MYH15: variants seen among roughly 807,000 people sequenced by gnomAD.
MYH15 encodes myosin-15.
In MYH15, 227 loss-of-function variants were observed where a neutral mutation model predicts 240.5. The ratio of observed to expected loss-of-function variants is 0.94; its 90% CI spans 0.85 to 1.05. MYH15 has a LOEUF of 1.05. MYH15 is among the 50% of genes least tolerant of loss of function. MYH15 has a pLI of 0.00. For missense variants in MYH15, 2,217 were observed against 2,247.5 expected (o/e 0.99, Z 0.27); for synonymous variants, 785 against 796.7 (o/e 0.99, Z 0.25).
At chr3:108,392,618 AGT>A (rs1315378945) in intron 36 of MYH15, among the ~76,000 whole-genome samples, 1 of 152,196 alleles carries the variant, frequency 6.6e-6, no homozygotes, top group Non-Finnish European at 1.5e-5. Flanking sequence ...GCAGAATTTA[AGT>A]GTGAGACTTC....
chr3:108,492,523 A>G lies in MYH15; in HGVS notation c.848T>C (p.Leu283Pro), dbSNP rs2083358401. The change falls in exon 9 of 41, where the codon CTA (leucine) becomes CCA (proline). Residue 283 changes from leucine (L) to proline (P), a missense_variant. Coordinates refer to ENST00000693548, the MANE Select transcript of MYH15 (RefSeq NM_014981.3). ...ERNYHIFYQI[L>P]SGQKELHDLL... ...ACCATGAAGCTCTTTTTGTCCAGAT[A>G]GAATTTGATAGAATATGTGGTAGTT... is the stretch of plus-strand genomic sequence containing the variant. 6.2e-7 allele frequency: 1 copy of G among 1,612,896 alleles called. No homozygotes were observed.
chr3:108,495,631 A>AT (rs1169691809), intron 7 of MYH15, 149 bp downstream of exon 7: 29 of 489,324 alleles, frequency 5.9e-5, no homozygotes, highest in Middle Eastern at 5.4e-4. Flanking sequence ...ATAGATAGTA[A>AT]TTTTTTTTGA....
At position 108,399,229 on chromosome 3, in the gene MYH15, C is replaced by T. The variant is rs1286524347; in HGVS notation, c.4775G>A (p.Ser1592Asn). The change falls in exon 34 of 41, where the codon AGT becomes AAT. Residue 1592 changes from serine (S) to asparagine (N), a missense_variant. Coordinates refer to ENST00000693548, the MANE Select transcript of MYH15 (RefSeq NM_014981.3). ...QQCTIDSLQSSLDSEAKSRIE... is the reference protein window; with the variant it reads ...QQCTIDSLQSNLDSEAKSRIE... ...TCTGCTCTTAGCTTCAGAATCCAGACTAGACTGCAGGGAGTCAATGGTACA... is the reference window on the plus strand; with the variant it reads ...TCTGCTCTTAGCTTCAGAATCCAGATTAGACTGCAGGGAGTCAATGGTACA... The T allele has an allele frequency of 1.9e-5, 31 of 1,614,014 alleles. No homozygotes were observed. Among genetic ancestry groups the T allele is most frequent in the Non-Finnish European group, 2.5e-5 (29 of 1,180,000 alleles).
intron 30 of MYH15, among the ~76,000 whole-genome samples, chr3:108,412,445 C>G (rs1454021326): frequency 6.6e-6 from 1 of 152,170 alleles, no homozygotes; most frequent in African/African-American, 2.4e-5. Flanking sequence ...AATTAAATCT[C>G]TTTCCATTAT....
intron 12 of MYH15, 96 bp from the exon 13 acceptor site, chr3:108,470,943 G>A: frequency 7.9e-7 from 1 of 1,269,842 alleles, no homozygotes; most frequent in Non-Finnish European, 1.1e-6. Flanking sequence ...GTCAAATTAG[G>A]ATGTCTTTAT....
chr3:108,414,498 A>AT (rs919459879), intron 29 of MYH15, 70 bp from the exon 30 acceptor site: 6,255 of 1,254,600 alleles, frequency 5.0e-3, no homozygotes, highest in South Asian at 6.4e-3. Flanking sequence ...AAGTAAGCTA[A>AT]TTTTTTTTTT....
At chr3:108,526,986 C>T (rs2083677484) in intron 1 of MYH15, among the ~76,000 whole-genome samples, 1 of 152,170 alleles carries the variant, frequency 6.6e-6, no homozygotes, top group African/African-American at 2.4e-5. Context: ...AATATTCTTA[C>T]TTCTAGTTGT....
intron 28 of MYH15, among the ~76,000 whole-genome samples, chr3:108,417,785 G>GTATATA (rs368551528): frequency 2.8e-5 from 4 of 145,186 alleles, no homozygotes; most frequent in African/African-American, 1.0e-4. Context: ...GTACAGGTAT[G>GTATATA]TATATATATA....
intron 2 of MYH15, among the ~76,000 whole-genome samples, chr3:108,504,694 T>C (rs776228355): frequency 5.3e-5 from 8 of 152,114 alleles, no homozygotes; most frequent in Non-Finnish European, 1.2e-4. Context: ...AGGACAGAAA[T>C]GGGGCCCGGC....
At chr3:108,457,904 C>G (rs1390968633) in intron 18 of MYH15, among the ~76,000 whole-genome samples, 2 of 152,054 alleles carry the variant, frequency 1.3e-5, no homozygotes, top group Non-Finnish European at 2.9e-5. Context: ...CGTGGTGGTA[C>G]ATGCCTGTAG....
chr3:108,425,149 A>G (rs1182667361), intron 27 of MYH15, among the ~76,000 whole-genome samples: 1 of 152,236 alleles, frequency 6.6e-6, no homozygotes, highest in Non-Finnish European at 1.5e-5. Context: ...TGAGCATTCC[A>G]AAGAGAATAA....
In MYH15 at chr3:108,388,916, T is replaced by C. The variant is rs536306120; in HGVS notation, c.5535+54A>G. On this transcript the variant is annotated intron_variant, in intron 38 of 40. Transcript: ENST00000693548. ...GGCCATTTCAGGCTTGAAGGAGTAC[T>C]TTTCTGCAGGGTAGTGCCCAGCCAG... The C allele has an allele frequency of 2.8e-3, 4,243 of 1,524,216 alleles. 77 individuals carry two copies. In the South Asian group the frequency reaches 0.028, roughly 10 times the overall value. The allele number at this position is 1,524,216 out of a possible 1,614,324, so 94.4% of individuals were successfully genotyped here. A position where few individuals can be genotyped will look rare whatever the true frequency, so the allele number is the denominator to read the frequency against.
Position 108,405,440 on chromosome 3 carries a change from C to G in MYH15, c.4634G>C (p.Arg1545Pro). ...TLEETEGALERNESKILHFQL... is the reference protein window; with the variant it reads ...TLEETEGALEPNESKILHFQL... The stretch of plus-strand genomic sequence containing the variant: ...GAAATGAAGAATCTTGCTTTCATTA[C>G]GTTCCAGGGCTCCCTGGAATACATA... The change falls in exon 33 of 41, where the codon CGT (arginine) becomes CCT (proline). Residue 1545 changes from arginine to proline, a missense_variant. Coordinates refer to ENST00000693548, the MANE Select transcript of MYH15 (RefSeq NM_014981.3). 2.0e-6 allele frequency: 3 copies of G among 1,513,038 alleles called. No individual in the cohort carries two copies. Among genetic ancestry groups the G allele is most frequent in the East Asian group, 4.6e-5 (2 of 43,502 alleles). 93.7% of individuals were successfully genotyped at this position (1,513,038 alleles called of 1,614,324 possible).
chr3:108,432,828 G>A (rs142657008), intron 25 of MYH15, among the ~76,000 whole-genome samples: 3,108 of 152,270 alleles, frequency 0.02, 51 homozygotes, highest in South Asian at 0.059. Flanking sequence ...AATTTCAGAT[G>A]TATGGAAATG....
At chr3:108,470,272 AG>A (rs2083161298) in intron 13 of MYH15, 60 bp from the exon 14 acceptor site, 14 of 1,239,760 alleles carry the variant, frequency 1.1e-5, no homozygotes, top group Non-Finnish European at 1.6e-5. Flanking sequence ...TCCACTTTCA[AG>A]AATGTCCAGT....
chr3:108,473,601 T>C (rs540700191), intron 12 of MYH15, among the ~76,000 whole-genome samples: 2 of 152,306 alleles, frequency 1.3e-5, no homozygotes, highest in African/African-American at 4.8e-5. Flanking sequence ...CAAGACCTAC[T>C]TCATAGGCTT....
chr3:108,485,104 T>C lies in MYH15; in HGVS notation c.1101A>G (p.Ala367=). ...AGTAATTCTTACTTTCTGTGCCATC[T>C]GCTTCCAGTTGCTCTTCTCTAGGTT... ...KQKPREEQLE[A]DGTENADKAA... is the part of the protein sequence containing the mutation. Residue 367 remains alanine, a synonymous_variant, in exon 11 of 41, where the codon GCA becomes GCG. Coordinates refer to ENST00000693548, the MANE Select transcript of MYH15 (RefSeq NM_014981.3). 1 of 1,614,080 alleles carries C rather than the reference T, an allele frequency of 6.2e-7. No individual in the cohort carries two copies. The highest frequency in any genetic ancestry group is 8.5e-7 in the Non-Finnish European group (1 of 1,179,938).
At chr3:108,454,247 A>G in intron 20 of MYH15, 105 bp from the exon 21 acceptor site, 1 of 1,018,412 alleles carries the variant, frequency 9.8e-7, no homozygotes, top group Non-Finnish European at 1.4e-6. Flanking sequence ...TAACTGTATC[A>G]ATTCCATTTC....
In MYH15 at chr3:108,405,068, T is replaced by C. The variant is rs145332401; in HGVS notation, c.4736+270A>G. 301 of 200,822 alleles carry C rather than the reference T, an allele frequency of 1.5e-3. 3 individuals carry two copies. Among genetic ancestry groups the C allele is most frequent in the African/African-American group, 6.7e-3 (290 of 43,584 alleles). 12.4% of individuals were successfully genotyped at this position (200,822 alleles called of 1,614,324 possible). ...TCACCACTATTGATATAAAGGAATATCTGTACACAATTGTGTATAAAGGGA... is the reference window on the plus strand; with the variant it reads ...TCACCACTATTGATATAAAGGAATACCTGTACACAATTGTGTATAAAGGGA... On this transcript the variant is annotated intron_variant, in intron 33 of 40. Coordinates refer to ENST00000693548, the MANE Select transcript of MYH15 (RefSeq NM_014981.3).
Sources: gnomAD v4.1 joint callset for allele counts (sites outside exome capture counted in the v4.1 genomes callset) on GRCh38, gnomAD v4.1.1 for gene constraint, MANE v1.5 for transcripts, NCBI Gene and HGNC (gene_info 2026-07-23, HGNC 2026-07-21) for gene names.